Variants in SKIC2 observed in about 807,000 individuals in gnomAD.
SKIC2 encodes the protein SKI2 subunit of superkiller complex.
At chr6:31,968,740 T>G in the SKIC2 span, 1 of 1,612,968 alleles carries the variant, frequency 6.2e-7, no homozygotes, top group Non-Finnish European at 8.5e-7. This position sits in a 1 kb window ranked among gnomAD's most constrained non-coding sequence, Gnocchi z 6.1. Flanking sequence ...GCGGCTGCGC[T>G]TCCTACTGTC....
At chr6:31,966,769 C>T in the SKIC2 span, 1 of 1,614,138 alleles carries the variant, frequency 6.2e-7, no homozygotes, top group Non-Finnish European at 8.5e-7. This position sits in a 1 kb window ranked among gnomAD's most constrained non-coding sequence, Gnocchi z 5.9. Context: ...CCTCAACTTG[C>T]TGCGAGTGGA....
the SKIC2 span, chr6:31,963,528 C>A: frequency 6.2e-7 from 1 of 1,601,980 alleles, no homozygotes; most frequent in Non-Finnish European, 8.5e-7. This position sits in a 1 kb window ranked among gnomAD's most constrained non-coding sequence, Gnocchi z 5.3. Flanking sequence ...CTTTTTGTTG[C>A]TGGACTCCCG....
chr6:31,965,311 G>A, the SKIC2 span, among the ~76,000 whole-genome samples: 4 of 152,152 alleles, frequency 2.6e-5, no homozygotes, highest in African/African-American at 4.8e-5. The surrounding 1 kb of genome is among the most constrained non-coding windows in gnomAD (Gnocchi z 5.6). Flanking sequence ...AGGTTAGTGT[G>A]GGGGATGCAC....
the SKIC2 span, chr6:31,967,638 A>T: frequency 1.3e-6 from 2 of 1,525,482 alleles, no homozygotes; most frequent in Non-Finnish European, 1.8e-6. The surrounding 1 kb of genome is among the most constrained non-coding windows in gnomAD (Gnocchi z 4.9). Flanking sequence ...ATTCCTGCCC[A>T]AGGGTGGGTA....
the SKIC2 span, chr6:31,964,478 G>A: frequency 3.9e-3 from 2,633 of 669,498 alleles, 38 homozygotes; most frequent in African/African-American, 0.032. This position sits in a 1 kb window ranked among gnomAD's most constrained non-coding sequence, Gnocchi z 5.0. Flanking sequence ...AGACTACCTG[G>A]GTTTGAATCC....
chr6:31,959,423 CT>C, the SKIC2 span: 1 of 1,539,364 alleles, frequency 6.5e-7, no homozygotes, highest in Non-Finnish European at 9.0e-7. Flanking sequence ...TGACCCTAAC[CT>C]TTGACCCGCA....
At chr6:31,961,458 G>A in the SKIC2 span, 1 of 1,533,668 alleles carries the variant, frequency 6.5e-7, no homozygotes, top group Non-Finnish European at 8.8e-7. Context: ...GGATGGGTCT[G>A]AGGGGAAGAA....
chr6:31,968,869 A>G, the SKIC2 span: 6 of 1,612,342 alleles, frequency 3.7e-6, no homozygotes, highest in Non-Finnish European at 5.1e-6. The surrounding 1 kb of genome is among the most constrained non-coding windows in gnomAD (Gnocchi z 6.1). Flanking sequence ...TTTTTCTTGC[A>G]GGTGCTCCGA....
At chr6:31,965,983 C>T in the SKIC2 span, 82 of 1,607,338 alleles carry the variant, frequency 5.1e-5, 1 homozygote, top group South Asian at 1.3e-4. The surrounding 1 kb of genome is among the most constrained non-coding windows in gnomAD (Gnocchi z 5.6). Context: ...GCCGAGTGCC[C>T]GAGATGGCAG....
chr6:31,968,774 C>G, the SKIC2 span: 3 of 1,612,238 alleles, frequency 1.9e-6, no homozygotes, highest in African/African-American at 2.7e-5. This position sits in a 1 kb window ranked among gnomAD's most constrained non-coding sequence, Gnocchi z 6.1. Context: ...CTGCTGCTTC[C>G]TGAGTACCAT....
At chr6:31,969,515 C>A in the SKIC2 span, 1 of 1,613,186 alleles carries the variant, frequency 6.2e-7, no homozygotes, top group African/African-American at 1.3e-5. The surrounding 1 kb of genome is among the most constrained non-coding windows in gnomAD (Gnocchi z 6.1). Context: ...TTCCCCACAG[C>A]CCTTCTCCGA....
At chr6:31,968,240 T>C in the SKIC2 span, 1 of 1,426,054 alleles carries the variant, frequency 7.0e-7, no homozygotes, top group Non-Finnish European at 9.8e-7. This position sits in a 1 kb window ranked among gnomAD's most constrained non-coding sequence, Gnocchi z 6.1. Context: ...GAAGTGGAGG[T>C]TGTAGTAAGA....
chr6:31,967,668 G>C, the SKIC2 span: 1 of 1,603,300 alleles, frequency 6.2e-7, no homozygotes, highest in Non-Finnish European at 8.5e-7. The surrounding 1 kb of genome is among the most constrained non-coding windows in gnomAD (Gnocchi z 4.9). Context: ...TGCCTTTGAT[G>C]TCTACTCATC....
the SKIC2 span, chr6:31,969,600 C>G: frequency 6.2e-7 from 1 of 1,613,434 alleles, no homozygotes; most frequent in Non-Finnish European, 8.5e-7. The surrounding 1 kb of genome is among the most constrained non-coding windows in gnomAD (Gnocchi z 6.1). Flanking sequence ...ATGTGTCGCT[C>G]ACTGCGGGGG....
At chr6:31,968,989 T>TGA in the SKIC2 span, 1 of 1,612,970 alleles carries the variant, frequency 6.2e-7, no homozygotes, top group East Asian at 2.2e-5. This position sits in a 1 kb window ranked among gnomAD's most constrained non-coding sequence, Gnocchi z 6.1. Context: ...GACAATGCAC[T>TGA]GAGCACCCTG....
the SKIC2 span, chr6:31,962,563 A>C: frequency 1.9e-6 from 3 of 1,613,776 alleles, no homozygotes; most frequent in Non-Finnish European, 2.5e-6. This position sits in a 1 kb window ranked among gnomAD's most constrained non-coding sequence, Gnocchi z 5.0. Context: ...CTCCTGCCTC[A>C]TCATGACCAC....
chr6:31,963,723 G>A, the SKIC2 span: 75 of 1,545,248 alleles, frequency 4.9e-5, no homozygotes, highest in Non-Finnish European at 6.0e-5. The surrounding 1 kb of genome is among the most constrained non-coding windows in gnomAD (Gnocchi z 5.3). Flanking sequence ...CATCAGGGGG[G>A]CCCTGCACAG....
chr6:31,968,975 G>A, the SKIC2 span: 1 of 1,612,868 alleles, frequency 6.2e-7, no homozygotes, highest in Admixed American at 1.7e-5. This position sits in a 1 kb window ranked among gnomAD's most constrained non-coding sequence, Gnocchi z 6.1. Context: ...CTGAGCTCAT[G>A]TTTGACAATG....
At chr6:31,965,760 C>T in the SKIC2 span, 1 of 1,478,476 alleles carries the variant, frequency 6.8e-7, no homozygotes, top group Non-Finnish European at 9.4e-7. The surrounding 1 kb of genome is among the most constrained non-coding windows in gnomAD (Gnocchi z 5.6). Flanking sequence ...TTTGCTGATC[C>T]TTTCTGTTCT....
Sources: allele counts gnomAD v4.1 joint callset (sites outside exome capture counted in the v4.1 genomes callset), GRCh38; gene constraint gnomAD v4.1.1; non-coding constraint Gnocchi (gnomAD v3.1); transcripts MANE v1.5; gene names NCBI Gene and HGNC (gene_info 2026-07-23, HGNC 2026-07-21).